ABCB4: variants seen among roughly 807,000 people sequenced by gnomAD.
ABCB4 encodes ATP binding cassette subfamily B member 4.
In ABCB4, 76 loss-of-function variants were observed where a neutral mutation model predicts 145.7. The ratio of observed to expected loss-of-function variants is 0.52; its 90% CI spans 0.43 to 0.63. The LOEUF (loss-of-function observed/expected upper bound fraction) is 0.63. Among genes scored for constraint, ABCB4 ranks in the 30% least tolerant of loss-of-function variants. The pLI is 0.00. For missense variants in ABCB4, 1,234 were observed against 1,553.1 expected, an observed-to-expected ratio of 0.79 and a Z score of 3.45; for synonymous variants, 517 against 566.8, an observed-to-expected ratio of 0.91 and a Z score of 1.25.
the ABCB4 span, among the ~76,000 whole-genome samples, chr7:87,374,622 A>G: frequency 6.6e-6 from 1 of 152,094 alleles, no homozygotes; most frequent in Non-Finnish European, 1.5e-5. Flanking sequence ...TTGCTCTGCT[A>G]TAGATGCAGA....
In ABCB4 at chr7:87,443,233, C is replaced by G. The variant is rs147829619; in HGVS notation, c.1356+86G>C. 1.4e-5 allele frequency: 22 copies of G among 1,562,990 alleles called. No individual in the cohort carries two copies. In the African/African-American group the frequency reaches 2.7e-4, roughly 19 times the overall value. ...GCTTTTTACCAAAACTGGATTCACA[C>G]GCAAATTTGTTACTGAAAAACCAAT... On this transcript the variant is annotated intron_variant, in intron 12 of 27. Transcript: ENST00000649586.
At chr7:87,421,970 C>A in intron 18 of ABCB4, 151 bp downstream of exon 18, 2 of 645,618 alleles carry the variant, frequency 3.1e-6, no homozygotes, top group Admixed American at 2.9e-5. Flanking sequence ...CACACTTCCC[C>A]CTGATAAGGA....
At chr7:87,423,840 G>A in intron 17 of ABCB4, 66 bp downstream of exon 17, 2 of 1,600,362 alleles carry the variant, frequency 1.2e-6, no homozygotes, top group Non-Finnish European at 1.7e-6. Flanking sequence ...AGTCAGTGAG[G>A]TTGGGAGAAG....
At chr7:87,393,369 T>C in the ABCB4 span, among the ~76,000 whole-genome samples, 1 of 152,196 alleles carries the variant, frequency 6.6e-6, no homozygotes, top group East Asian at 1.9e-4. Context: ...TTGTACAAGG[T>C]ATTTTATAAT....
intron 18 of ABCB4, among the ~76,000 whole-genome samples, chr7:87,421,143 A>G (rs1366005582): frequency 1.3e-5 from 2 of 152,220 alleles, no homozygotes; most frequent in African/African-American, 4.8e-5. Context: ...CCAGATATCC[A>G]GAAGTGGGCT....
At chr7:87,424,636 C>T (rs1057070468) in intron 16 of ABCB4, among the ~76,000 whole-genome samples, 2 of 152,254 alleles carry the variant, frequency 1.3e-5, no homozygotes, top group Middle Eastern at 3.4e-3. Context: ...AATTACATTC[C>T]TTTTCTCTTA....
intron 7 of ABCB4, among the ~76,000 whole-genome samples, chr7:87,450,775 C>T (rs376541424): frequency 6.6e-6 from 1 of 152,186 alleles, no homozygotes; most frequent in East Asian, 1.9e-4. Context: ...CAGACCTCCT[C>T]ATGGGCATTC....
intron 4 of ABCB4, among the ~76,000 whole-genome samples, chr7:87,455,311 G>T (rs892730056): frequency 6.6e-6 from 1 of 152,176 alleles, no homozygotes; most frequent in Non-Finnish European, 1.5e-5. Flanking sequence ...TTGATAAAAT[G>T]TCAATGTATC....
the ABCB4 span, among the ~76,000 whole-genome samples, chr7:87,395,203 G>C: frequency 0.021 from 3,207 of 152,294 alleles, 117 homozygotes; most frequent in African/African-American, 0.072. Flanking sequence ...CAACGTTCAA[G>C]GCCAGGAAGC....
In ABCB4 at chr7:87,408,188, T is replaced by C; in HGVS notation, c.3128A>G (p.Tyr1043Cys). 6.2e-7 allele frequency: 1 copy of C among 1,614,200 alleles called. No homozygotes were observed. ...CACTGGCACGTTTGCTCGGGTGGGA[T>C]AGTTGAACACGACTTCATTAAATGT... ...NITFNEVVFN[Y>C]PTRANVPVLQ... Residue 1043 changes from tyrosine to cysteine, a missense_variant, in exon 25 of 28, where the codon TAT becomes TGT. Around this residue, in one of 7 missense-constraint regions of ABCB4, gnomAD observed 301 missense variants for 389.0 expected, o/e 0.77. Coordinates refer to ENST00000649586, the MANE Select transcript of ABCB4 (RefSeq NM_000443.4).
chr7:87,402,342 T>G (rs1266026344), intron 27 of ABCB4, 40 bp from the exon 28 acceptor site: 5 of 1,609,748 alleles, frequency 3.1e-6, no homozygotes, highest in Non-Finnish European at 4.2e-6. Context: ...CCAAAAATTG[T>G]ATAAATTAGT....
chr7:87,449,276 A>G (rs1398491910), intron 8 of ABCB4, among the ~76,000 whole-genome samples: 2 of 152,092 alleles, frequency 1.3e-5, no homozygotes, highest in African/African-American at 4.8e-5. Context: ...TATAACTAGG[A>G]AGTCGATGTT....
chr7:87,373,366 A>G, the ABCB4 span, among the ~76,000 whole-genome samples: 2 of 152,060 alleles, frequency 1.3e-5, no homozygotes, highest in Non-Finnish European at 2.9e-5. Flanking sequence ...TATATCTCCT[A>G]GGCTTGGCTT....
intron 4 of ABCB4, among the ~76,000 whole-genome samples, chr7:87,457,878 G>T (rs1325393881): frequency 6.6e-6 from 1 of 152,034 alleles, no homozygotes; most frequent in African/African-American, 2.4e-5. Context: ...CCCGGATTCT[G>T]CCCAAGACTT....
chr7:87,445,073 G>T, intron 9 of ABCB4, 98 bp from the exon 10 acceptor site: 2 of 820,822 alleles, frequency 2.4e-6, no homozygotes, highest in Non-Finnish European at 3.9e-6. Context: ...AAAGGATTAA[G>T]TTTAGGTTTA....
chr7:87,384,346 A>C, the ABCB4 span, among the ~76,000 whole-genome samples: 1 of 152,178 alleles, frequency 6.6e-6, no homozygotes, highest in Non-Finnish European at 1.5e-5. Context: ...AGCCTGGCCA[A>C]CATAGCGAAA....
At position 87,471,608 on chromosome 7, in the gene ABCB4, A is replaced by G. The variant is rs11972658; in HGVS notation, c.135+1013T>C. Among the ~76,000 whole-genome samples the G allele has an allele frequency of 3.1e-3, 474 of 152,316 alleles. 1 individual carries two copies. Among genetic ancestry groups the G allele is most frequent in the African/African-American group, 0.011 (443 of 41,576 alleles). ...TTGGTGTCTTTTTATCCATTTAATT[A>G]CTAAGTTGGATTTCAGCTGACATGA... On this transcript the variant is annotated intron_variant, in intron 3 of 27. Coordinates refer to ENST00000649586, the MANE Select transcript of ABCB4 (RefSeq NM_000443.4).
intron 25 of ABCB4, 146 bp from the exon 26 acceptor site, chr7:87,406,640 GC>G: frequency 1.2e-6 from 1 of 811,368 alleles, no homozygotes; most frequent in Non-Finnish European, 2.0e-6. Flanking sequence ...TACCATTGAG[GC>G]CAGCATGGCC....
the ABCB4 span, among the ~76,000 whole-genome samples, chr7:87,373,326 A>C: frequency 6.6e-6 from 1 of 152,042 alleles, no homozygotes; most frequent in Admixed American, 6.6e-5. Context: ...TTTAGATATA[A>C]GTCTTTTTAC....
Sources: allele counts gnomAD v4.1 joint callset (sites outside exome capture counted in the v4.1 genomes callset), GRCh38; gene constraint gnomAD v4.1.1; regional missense constraint gnomAD v4.1.1; transcripts MANE v1.5; gene names NCBI Gene and HGNC (gene_info 2026-07-23, HGNC 2026-07-21).